Variants in BRSK2 observed in about 807,000 individuals in gnomAD.
The protein encoded by BRSK2 is serine/threonine-protein kinase BRSK2.
Under a neutral mutation model 83.3 loss-of-function variants are expected in BRSK2, and 19 were observed. The ratio of observed to expected loss-of-function variants is 0.23; its 90% CI spans 0.16 to 0.33. The LOEUF is 0.33. Ranked by LOEUF, BRSK2 falls within the 10% of genes least tolerant of loss-of-function variation. The pLI is 1.00. For missense variants in BRSK2, 798 were observed against 1,042.3 expected (o/e 0.77, Z 3.23); for synonymous variants, 519 against 435.4 (o/e 1.19, Z -2.39).
At chr11:1,442,329 T>C (rs1399222533) in intron 4 of BRSK2, 161 bp from the exon 5 acceptor site, 1 of 583,180 alleles carries the variant, frequency 1.7e-6, no homozygotes, top group African/African-American at 1.9e-5. Flanking sequence ...GCAGGCGACT[T>C]CTGATTGGCT....
At chr11:1,411,635 T>C (rs1847515608) in intron 1 of BRSK2, 2 of 1,543,158 alleles carry the variant, frequency 1.3e-6, no homozygotes, top group African/African-American at 2.7e-5. Context: ...GCCCAGCAGG[T>C]GCGTGCCACG....
At chr11:1,421,022 A>G (rs1304342697) in intron 1 of BRSK2, among the ~76,000 whole-genome samples, 1 of 152,152 alleles carries the variant, frequency 6.6e-6, no homozygotes, top group Non-Finnish European at 1.5e-5. Context: ...GGTGCAGAGC[A>G]GAGAGGGGCT....
rs1227434693 is a variant in BRSK2 at position 1,454,386 on chromosome 11, G to T, written c.1545-99G>T. The T allele has an allele frequency of 7.1e-6, 10 of 1,414,132 alleles. No individual in the cohort carries two copies. Among genetic ancestry groups the T allele is most frequent in the African/African-American group, 1.4e-5 (1 of 70,882 alleles). The allele number at this position is 1,414,132 out of a possible 1,614,324, so 87.6% of individuals were successfully genotyped here. ...GAGACAGCCGTTTCTATCACGAAGC[G>T]ATGGAAGATTCCGCCGTTCCAACCC... On this transcript the variant is annotated intron_variant, in intron 15 of 19. Transcript: ENST00000528841. The surrounding 1 kb of genome is among the most constrained non-coding windows in gnomAD (Gnocchi z 5.2).
intron 1 of BRSK2, among the ~76,000 whole-genome samples, chr11:1,419,636 C>A (rs900083874): frequency 6.6e-6 from 1 of 152,242 alleles, no homozygotes; most frequent in Non-Finnish European, 1.5e-5. Flanking sequence ...TCTGGCCAGA[C>A]ACAGTGGCTC....
In BRSK2 at chr11:1,462,076, G is replaced by T. The variant is rs1162993960; in HGVS notation, c.*1353G>T. ...ACACACAGGACGGCAGGGGCACTGT[G>T]AGGCTTTTCTTATTAAAATGAAAAA... On this transcript the variant is annotated 3_prime_UTR_variant, in exon 20 of 20. Transcript: ENST00000528841. The T allele has an allele frequency of 1.1e-4, 17 of 152,154 alleles. No homozygotes were observed. Among genetic ancestry groups the T allele is most frequent in the Admixed American group, 1.1e-3 (17 of 15,288 alleles). 9.4% of individuals were successfully genotyped at this position (152,154 alleles called of 1,614,324 possible). A position where few individuals can be genotyped will look rare whatever the true frequency, so the allele number is the denominator to read the frequency against.
chr11:1,426,481 G>A (rs1590450296), intron 1 of BRSK2, among the ~76,000 whole-genome samples: 1 of 152,174 alleles, frequency 6.6e-6, no homozygotes, highest in Non-Finnish European at 1.5e-5. Flanking sequence ...TAGCCCTTGG[G>A]GGTGCCCAGT....
intron 1 of BRSK2, among the ~76,000 whole-genome samples, chr11:1,401,045 C>T (rs929332689): frequency 1.3e-5 from 2 of 152,218 alleles, no homozygotes; most frequent in African/African-American, 2.4e-5. Context: ...GGACAGCCAC[C>T]GTTGGGCATC....
At chr11:1,446,581 T>A (rs1420861887) in intron 12 of BRSK2, among the ~76,000 whole-genome samples, 2 of 152,098 alleles carry the variant, frequency 1.3e-5, no homozygotes, top group Non-Finnish European at 2.9e-5. Flanking sequence ...GTGGTGTGTG[T>A]GGCCAGGGAC....
Position 1,429,373 on chromosome 11 carries a change from A to C in BRSK2, c.92-6667A>C, listed in dbSNP as rs182553126. ...GTGCACTCGGTGTGTGGGTGTGTGC[A>C]CATGGGTGTGTGTGCACTGAGTGTA... is the stretch of plus-strand genomic sequence containing the variant. On this transcript the variant is annotated intron_variant, in intron 1 of 19. Transcript: ENST00000528841. 1.4e-3 allele frequency among the ~76,000 whole-genome samples: 211 copies of C among 150,414 alleles called. 2 individuals are homozygous for C. The highest frequency in any genetic ancestry group is 5.1e-3 in the African/African-American group (206 of 40,620).
intron 1 of BRSK2, among the ~76,000 whole-genome samples, chr11:1,417,417 A>T (rs1481922570): frequency 6.6e-5 from 10 of 152,250 alleles, no homozygotes; most frequent in Non-Finnish European, 1.2e-4. Flanking sequence ...TTTTTCTCCA[A>T]TGAAATATAT....
Position 1,450,642 on chromosome 11 carries a change from C to T in BRSK2, c.1343C>T (p.Pro448Leu). ...CCCCTCCCCACCCCCAAGGGGACAC[C>T]TGTCCACACGCCAAAGGAGAGCCCG... ...GSPLPTPKGT[P>L]VHTPKESPAG... Residue 448 changes from proline (P) to leucine (L), a missense_variant, in exon 14 of 20, where the codon CCT becomes CTT. This residue lies in a region of BRSK2 where 455 missense variants were observed against 455.2 expected (regional missense o/e 1.00). Coordinates refer to ENST00000528841, the MANE Select transcript of BRSK2 (RefSeq NM_001256627.2). 6.2e-7 allele frequency: 1 copy of T among 1,608,134 alleles called. No homozygotes were observed. The highest frequency in any genetic ancestry group is 8.5e-7 in the Non-Finnish European group (1 of 1,178,218).
chr11:1,391,972 G>A (rs1845755982), intron 1 of BRSK2, among the ~76,000 whole-genome samples: 2 of 152,152 alleles, frequency 1.3e-5, no homozygotes, highest in African/African-American at 2.4e-5. Flanking sequence ...ACAAAAGGAT[G>A]GGCTGTGTGT....
chr11:1,447,295 C>A (rs567238145), intron 12 of BRSK2, among the ~76,000 whole-genome samples: 1 of 152,328 alleles, frequency 6.6e-6, no homozygotes, highest in South Asian at 2.1e-4. Flanking sequence ...GGCCACCTCC[C>A]CGGACTCCCC....
rs191464668 is a variant in BRSK2, at chr11:1,420,517, C to T, written c.92-15523C>T. On this transcript the variant is annotated intron_variant, in intron 1 of 19. Transcript: ENST00000528841. ...TGAATGTTTAGAGGTTCCCCCGTCA[C>T]GGCCAGGCTCCCTTTTGTTTAATTC... is the stretch of plus-strand genomic sequence containing the variant. 1.7e-4 allele frequency among the ~76,000 whole-genome samples: 26 copies of T among 152,352 alleles called. No homozygotes were observed. In the East Asian group the frequency reaches 4.1e-3, roughly 24 times the overall value.
chr11:1,444,882 C>G (rs1432420789), intron 8 of BRSK2, 89 bp from the exon 9 acceptor site: 7 of 1,277,302 alleles, frequency 5.5e-6, no homozygotes, highest in Non-Finnish European at 7.9e-6. Context: ...TCTCCGTGCT[C>G]CCAGCGCCCC....
At chr11:1,395,274 C>T (rs577417089) in intron 1 of BRSK2, among the ~76,000 whole-genome samples, 52 of 152,260 alleles carry the variant, frequency 3.4e-4, no homozygotes, top group South Asian at 8.3e-4. Context: ...TCAGGGGCGC[C>T]GTGCACAGAG....
chr11:1,401,282 C>T (rs923865590), intron 1 of BRSK2, among the ~76,000 whole-genome samples: 2 of 152,264 alleles, frequency 1.3e-5, no homozygotes, highest in Non-Finnish European at 2.9e-5. Flanking sequence ...CGGCTACCCT[C>T]GCGGGTCTGT....
Position 1,445,854 on chromosome 11 carries a change from C to T in BRSK2, c.1173C>T (p.Gly391=), listed in dbSNP as rs201459489. The T allele has an allele frequency of 2.5e-4, 398 of 1,612,154 alleles. 2 individuals carry two copies. In the African/African-American group the frequency reaches 2.6e-3, roughly 10 times the overall value. ...KSMEVLSVTD[G]GSPVPARRAI... Reference sequence around the variant, plus strand: ...TGGAGGTGCTCAGCGTGACGGACGGCGGCTCCCCGGTGCCTGCGCGGCGGG... The same window carrying T: ...TGGAGGTGCTCAGCGTGACGGACGGTGGCTCCCCGGTGCCTGCGCGGCGGG... The change falls in exon 12 of 20, where the codon GGC becomes GGT. Residue 391 remains glycine, a synonymous_variant. Coordinates refer to ENST00000528841, the MANE Select transcript of BRSK2 (RefSeq NM_001256627.2).
At chr11:1,392,944 C>T (rs563790039) in intron 1 of BRSK2, among the ~76,000 whole-genome samples, 25 of 152,198 alleles carry the variant, frequency 1.6e-4, no homozygotes, top group African/African-American at 5.8e-4. Context: ...CAGGTGAAGC[C>T]GTCAGAGCAC....
Sources: gnomAD v4.1 joint callset for allele counts (sites outside exome capture counted in the v4.1 genomes callset) on GRCh38, gnomAD v4.1.1 for gene constraint, gnomAD v4.1.1 regional missense constraint, Gnocchi (gnomAD v3.1) non-coding constraint, MANE v1.5 for transcripts, NCBI Gene and HGNC (gene_info 2026-07-23, HGNC 2026-07-21) for gene names.